PTCHD4: variants seen among roughly 807,000 people sequenced by gnomAD.
PTCHD4 encodes the protein patched domain containing 4.
PTCHD4 carries 33 observed loss-of-function variants against 58.1 expected under a neutral mutation model. That is an observed-to-expected ratio of 0.57 (90% CI 0.43 to 0.76). PTCHD4 has a LOEUF of 0.76. Among genes scored for constraint, PTCHD4 ranks in the 30% least tolerant of loss-of-function variants. PTCHD4 has a pLI of 0.00. For missense variants in PTCHD4, 1,058 were observed against 1,027.1 expected (o/e 1.03, Z -0.41); for synonymous variants, 478 against 409.6 (o/e 1.17, Z -2.02).
chr6:48,096,957 A>G (rs980786127), intron 1 of PTCHD4, among the ~76,000 whole-genome samples: 1 of 152,160 alleles, frequency 6.6e-6, no homozygotes, highest in East Asian at 1.9e-4. Flanking sequence ...TAGGAATAAA[A>G]CCAAAAATGA....
intron 4 of PTCHD4, among the ~76,000 whole-genome samples, chr6:47,989,037 G>A (rs1291855965): frequency 2.0e-5 from 3 of 152,228 alleles, no homozygotes; most frequent in Admixed American, 6.5e-5. Flanking sequence ...CGATATGGAC[G>A]ATAAGGTTCA....
intron 1 of PTCHD4, among the ~76,000 whole-genome samples, chr6:48,103,615 G>A (rs1477890489): frequency 6.6e-6 from 1 of 152,172 alleles, no homozygotes; most frequent in African/African-American, 2.4e-5. Flanking sequence ...ACTTTGACGA[G>A]TTGAGAGAGG....
At chr6:47,975,737 T>G (rs1767669578) in intron 4 of PTCHD4, among the ~76,000 whole-genome samples, 1 of 152,228 alleles carries the variant, frequency 6.6e-6, no homozygotes, top group African/African-American at 2.4e-5. Context: ...TTAATCAGCT[T>G]GGCATTGTAG....
intron 1 of PTCHD4, among the ~76,000 whole-genome samples, chr6:48,070,460 A>G (rs1764956977): frequency 6.6e-6 from 1 of 152,168 alleles, no homozygotes; most frequent in Admixed American, 6.5e-5. Flanking sequence ...AGAGCTCAGA[A>G]ACAGCGACAA....
rs945548514 is a variant in PTCHD4 at position 47,870,100 on chromosome 6, T to C, written c.*8203A>G. ...AATATATAAATTATTTCTATTATTA[T>C]GACTAATGGAACTAGATTTCTTTTG... On this transcript the variant is annotated 3_prime_UTR_variant, in exon 5 of 5. Transcript: ENST00000339488. Among the ~76,000 whole-genome samples, 14 of 151,714 alleles carry C rather than the reference T, an allele frequency of 9.2e-5. No homozygotes were observed. The highest frequency in any genetic ancestry group is 3.4e-4 in the African/African-American group (14 of 41,400).
At position 48,015,295 on chromosome 6, in the gene PTCHD4, C is replaced by CTATT. The variant is rs141218017; in HGVS notation, c.418-6185_418-6182dup. On this transcript the variant is annotated intron_variant, in intron 3 of 4. Coordinates refer to ENST00000339488, the MANE Select transcript of PTCHD4 (RefSeq NM_001384253.1). ...CTATTCTCCACATGGAAGCCAGAGT[C>CTATT]TATTTGTACAATTTAAATGAGACAA... 5.4e-3 allele frequency among the ~76,000 whole-genome samples: 818 copies of CTATT among 152,042 alleles called. 19 individuals carry two copies. The highest frequency in any genetic ancestry group is 0.019 in the African/African-American group (790 of 41,372).
intron 3 of PTCHD4, among the ~76,000 whole-genome samples, chr6:48,020,887 C>T (rs539941979): frequency 6.6e-6 from 1 of 151,896 alleles, no homozygotes; most frequent in Non-Finnish European, 1.5e-5. Flanking sequence ...GTTCTGATTT[C>T]TTTGTTAGGT....
chr6:48,029,308 T>C (rs997332157), intron 3 of PTCHD4, among the ~76,000 whole-genome samples: 5 of 152,110 alleles, frequency 3.3e-5, no homozygotes, highest in Non-Finnish European at 5.9e-5. Context: ...TATAAAAAAC[T>C]CTGACATATA....
intron 1 of PTCHD4, among the ~76,000 whole-genome samples, chr6:48,104,048 C>T (rs911462761): frequency 1.3e-5 from 2 of 152,192 alleles, no homozygotes; most frequent in Admixed American, 6.5e-5. Flanking sequence ...TCCAGGAGAA[C>T]TTCCCCAATC....
At chr6:47,963,947 T>A (rs1291008502) in intron 4 of PTCHD4, among the ~76,000 whole-genome samples, 1 of 152,216 alleles carries the variant, frequency 6.6e-6, no homozygotes, top group Non-Finnish European at 1.5e-5. Flanking sequence ...GGTTTTGACA[T>A]AACTGTAATA....
At chr6:47,964,893 G>A (rs1036185225) in intron 4 of PTCHD4, among the ~76,000 whole-genome samples, 3 of 152,094 alleles carry the variant, frequency 2.0e-5, no homozygotes, top group Non-Finnish European at 4.4e-5. Context: ...GTATGTCATT[G>A]CTCTTTTGGA....
chr6:47,974,594 C>T (rs922187420), intron 4 of PTCHD4, among the ~76,000 whole-genome samples: 4 of 152,174 alleles, frequency 2.6e-5, no homozygotes, highest in African/African-American at 7.2e-5. Flanking sequence ...TGTAGAATTC[C>T]TCCTGTCCCA....
chr6:48,083,504 C>A (rs2113895678), intron 1 of PTCHD4, among the ~76,000 whole-genome samples: 1 of 152,176 alleles, frequency 6.6e-6, no homozygotes, highest in South Asian at 2.1e-4. Context: ...ATCCTTGTAG[C>A]CTTTGACTAT....
At chr6:48,036,765 A>G (rs1350128351) in intron 3 of PTCHD4, among the ~76,000 whole-genome samples, 2 of 152,122 alleles carry the variant, frequency 1.3e-5, no homozygotes, top group Non-Finnish European at 2.9e-5. Flanking sequence ...GTCACATGCT[A>G]AGGTCTCTAA....
At chr6:48,028,507 G>T (rs559142535) in intron 3 of PTCHD4, among the ~76,000 whole-genome samples, 20 of 152,056 alleles carry the variant, frequency 1.3e-4, no homozygotes, top group African/African-American at 4.8e-4. Context: ...TTTAAAGAAA[G>T]AAAAAAATTT....
intron 1 of PTCHD4, among the ~76,000 whole-genome samples, chr6:48,107,705 A>T (rs978090827): frequency 2.0e-5 from 3 of 152,196 alleles, no homozygotes; most frequent in Admixed American, 6.5e-5. Context: ...TACTCATCTG[A>T]CAAAGGGCTA....
chr6:48,006,967 G>A (rs1191868699), intron 4 of PTCHD4, among the ~76,000 whole-genome samples: 1 of 152,194 alleles, frequency 6.6e-6, no homozygotes, highest in Non-Finnish European at 1.5e-5. Flanking sequence ...AGCTGGGCGT[G>A]GTGGCTTACG....
chr6:47,918,579 G>T (rs1765332139), intron 4 of PTCHD4, among the ~76,000 whole-genome samples: 1 of 151,972 alleles, frequency 6.6e-6, no homozygotes, highest in Non-Finnish European at 1.5e-5. Flanking sequence ...CTAGCTATAG[G>T]CATATTTAAC....
At chr6:47,894,355 C>T (rs1042272476) in intron 4 of PTCHD4, among the ~76,000 whole-genome samples, 5 of 152,154 alleles carry the variant, frequency 3.3e-5, no homozygotes, top group South Asian at 2.1e-4. Flanking sequence ...TTGAGGATAG[C>T]AGGTGGGGAA....
Sources: allele counts gnomAD v4.1 joint callset (sites outside exome capture counted in the v4.1 genomes callset), GRCh38; gene constraint gnomAD v4.1.1; transcripts MANE v1.5; gene names NCBI Gene and HGNC (gene_info 2026-07-23, HGNC 2026-07-21).